Variants in SLC9B1 observed in about 807,000 individuals in gnomAD.
The protein encoded by SLC9B1 is sodium/hydrogen exchanger 9B1.
A neutral mutation model predicts 51.7 loss-of-function variants in SLC9B1; 32 were observed. The ratio of observed to expected loss-of-function variants is 0.62; its 90% CI spans 0.47 to 0.83. SLC9B1 has a LOEUF of 0.83. Ranked by LOEUF, SLC9B1 falls within the 40% of genes least tolerant of loss-of-function variation. The pLI, the probability that SLC9B1 is intolerant of heterozygous loss-of-function variation, is 0.00. For synonymous variants in SLC9B1, 145 were observed against 212.7 expected, an observed-to-expected ratio of 0.68 and a Z score of 2.77; for missense variants, 406 against 613.2, an observed-to-expected ratio of 0.66 and a Z score of 3.57.
intron 6 of SLC9B1, among the ~76,000 whole-genome samples, chr4:102,932,727 T>C (rs1305255438): frequency 6.6e-6 from 1 of 152,156 alleles, no homozygotes; most frequent in Non-Finnish European, 1.5e-5. Flanking sequence ...AAAAGATACA[T>C]GTGCTTCTAA....
intron 7 of SLC9B1, among the ~76,000 whole-genome samples, chr4:102,922,696 TAG>T (rs1172711639): frequency 6.6e-6 from 1 of 151,846 alleles, no homozygotes; most frequent in Non-Finnish European, 1.5e-5. Flanking sequence ...AGGAATCAAA[TAG>T]ATGCAATAAA....
At chr4:102,906,906 T>C (rs1355454162) in intron 9 of SLC9B1, among the ~76,000 whole-genome samples, 2 of 152,264 alleles carry the variant, frequency 1.3e-5, no homozygotes, top group African/African-American at 4.8e-5. Flanking sequence ...AAATTGTTTA[T>C]AGAGATGGAG....
At chr4:102,920,021 CT>C (rs1735783599) in intron 7 of SLC9B1, among the ~76,000 whole-genome samples, 1 of 152,242 alleles carries the variant, frequency 6.6e-6, no homozygotes, top group African/African-American at 2.4e-5. Context: ...TTAAACGTCC[CT>C]GTCTGACAGC....
At chr4:102,903,366 AT>A (rs1734875379) in intron 11 of SLC9B1, among the ~76,000 whole-genome samples, 1 of 151,980 alleles carries the variant, frequency 6.6e-6, no homozygotes, top group Non-Finnish European at 1.5e-5. Flanking sequence ...AACATTGTTA[AT>A]TGAGCACCAC....
intron 7 of SLC9B1, among the ~76,000 whole-genome samples, chr4:102,919,438 T>C (rs1437356525): frequency 6.6e-6 from 1 of 152,128 alleles, no homozygotes; most frequent in South Asian, 2.1e-4. Flanking sequence ...CCTGGGTGGG[T>C]TCCAAGATGG....
chr4:102,941,438 G>A (rs759440347), intron 6 of SLC9B1: 25 of 454,650 alleles, frequency 5.5e-5, no homozygotes, highest in South Asian at 2.9e-4. Context: ...CAAAACTGCA[G>A]TGAGATACAA....
chr4:102,989,374 G>C (rs1225799332), intron 3 of SLC9B1, among the ~76,000 whole-genome samples: 1 of 151,972 alleles, frequency 6.6e-6, no homozygotes, highest in African/African-American at 2.4e-5. Flanking sequence ...TAAAATTGTA[G>C]TGGGAAAGCA....
At chr4:102,949,972 A>T (rs28636883) in intron 3 of SLC9B1, among the ~76,000 whole-genome samples, 4 of 152,140 alleles carry the variant, frequency 2.6e-5, no homozygotes, top group East Asian at 1.9e-4. Context: ...ATAAAAAAAT[A>T]AAAAAATAAA....
chr4:102,908,201 A>G (rs1449921976), intron 9 of SLC9B1, among the ~76,000 whole-genome samples: 10 of 152,414 alleles, frequency 6.6e-5, no homozygotes, highest in African/African-American at 1.2e-4. Flanking sequence ...TAGACTTCAG[A>G]ATTAATATAT....
intron 11 of SLC9B1, chr4:102,889,595 C>A (rs1442196585): frequency 6.6e-6 from 1 of 152,040 alleles, no homozygotes; most frequent in African/African-American, 2.4e-5. Flanking sequence ...AATTTTAATA[C>A]CCCAAAAGTA....
In SLC9B1 at chr4:102,901,093, G is replaced by A. The variant is rs752967123; in HGVS notation, c.*24C>T. ...GTGAAATAATTCATTAAAAGAAGCA[G>A]GCAGATGATGACAGGTAAACTTTTT... On this transcript the variant is annotated 3_prime_UTR_variant, in exon 12 of 12. Coordinates refer to ENST00000296422, the MANE Select transcript of SLC9B1 (RefSeq NM_139173.4). The A allele has an allele frequency of 1.2e-6, 2 of 1,609,810 alleles. No individual in the cohort carries two copies. The highest frequency in any genetic ancestry group is 3.3e-5 in the Admixed American group (2 of 60,016).
At chr4:102,942,555 A>C (rs919045438) in intron 6 of SLC9B1, among the ~76,000 whole-genome samples, 2 of 152,154 alleles carry the variant, frequency 1.3e-5, no homozygotes, top group East Asian at 3.8e-4. Flanking sequence ...TTAACAAAGG[A>C]AACAAAAACA....
chr4:102,961,129 T>G (rs879701647), intron 3 of SLC9B1, among the ~76,000 whole-genome samples: 2 of 152,220 alleles, frequency 1.3e-5, no homozygotes, highest in Non-Finnish European at 2.9e-5. Context: ...TATTTTTCCC[T>G]TTAAACATAA....
At chr4:102,959,936 T>A (rs1424645340) in intron 3 of SLC9B1, among the ~76,000 whole-genome samples, 1 of 151,974 alleles carries the variant, frequency 6.6e-6, no homozygotes, top group Non-Finnish European at 1.5e-5. Context: ...CAAATCCACA[T>A]GACACAAGTT....
At chr4:103,005,999 G>T (rs1339581066) in intron 1 of SLC9B1, among the ~76,000 whole-genome samples, 1 of 152,018 alleles carries the variant, frequency 6.6e-6, no homozygotes, top group East Asian at 1.9e-4. Context: ...AAGTTAGAAA[G>T]ATCTCAAATT....
intron 7 of SLC9B1, among the ~76,000 whole-genome samples, chr4:102,911,796 T>C (rs1175515345): frequency 2.0e-5 from 3 of 151,928 alleles, no homozygotes; most frequent in African/African-American, 7.3e-5. Flanking sequence ...AACAAAGACT[T>C]AACAAGCACA....
chr4:103,001,738 C>T (rs1031817657), intron 1 of SLC9B1, among the ~76,000 whole-genome samples: 7 of 152,222 alleles, frequency 4.6e-5, no homozygotes, highest in African/African-American at 1.7e-4. Flanking sequence ...CCACCTCTAC[C>T]TGTTACCCAG....
downstream of SLC9B1, among the ~76,000 whole-genome samples, chr4:102,896,117 C>T (rs1207787165): frequency 6.6e-6 from 1 of 152,190 alleles, no homozygotes; most frequent in Admixed American, 6.5e-5. Flanking sequence ...GCTGCTTCTG[C>T]TCTTTGGAAC....
At chr4:102,886,311 A>G (rs1410325735) in intron 11 of SLC9B1, among the ~76,000 whole-genome samples, 1 of 151,990 alleles carries the variant, frequency 6.6e-6, no homozygotes, top group African/African-American at 2.4e-5. Context: ...ACATGGTGAA[A>G]CCCCGTCTCT....
Sources: gnomAD v4.1 joint callset for allele counts (sites outside exome capture counted in the v4.1 genomes callset) on GRCh38, gnomAD v4.1.1 for gene constraint, MANE v1.5 for transcripts, NCBI Gene and HGNC (gene_info 2026-07-23, HGNC 2026-07-21) for gene names.